The following NAALADL2 variants were observed in gnomAD, a reference collection of about 807,000 sequenced individuals.
NAALADL2 encodes the protein inactive N-acetylated-alpha-linked acidic dipeptidase-like protein 2.
NAALADL2 carries 76 observed loss-of-function variants against 87.2 expected under a neutral mutation model. The ratio of observed to expected loss-of-function variants is 0.87; its 90% CI spans 0.72 to 1.05. The LOEUF (loss-of-function observed/expected upper bound fraction) is 1.05, where lower values mean the gene tolerates loss of function less well. NAALADL2 is among the 50% of genes least tolerant of loss of function. The probability of loss-of-function intolerance (pLI) is 0.00; values close to 1 mark genes in which losing one functional copy is unlikely to be tolerated. For synonymous variants in NAALADL2, 354 were observed against 331.0 expected (o/e 1.07, Z -0.75); for missense variants, 1,089 against 945.8 (o/e 1.15, Z -1.99).
intron 2 of NAALADL2, among the ~76,000 whole-genome samples, chr3:175,119,692 T>TATAGATATAG (rs374637601): frequency 5.2e-4 from 76 of 145,324 alleles, no homozygotes; most frequent in East Asian, 8.0e-4. Flanking sequence ...AAGGTGTGTA[T>TATAGATATAG]ATATAGATAT....
chr3:175,343,445 A>G (rs1305924193), intron 5 of NAALADL2, among the ~76,000 whole-genome samples: 1 of 152,062 alleles, frequency 6.6e-6, no homozygotes, highest in Non-Finnish European at 1.5e-5. Context: ...AATACCTTAA[A>G]AAACTTTCTG....
intron 10 of NAALADL2, among the ~76,000 whole-genome samples, chr3:175,591,175 G>C (rs961739462): frequency 6.6e-6 from 1 of 152,098 alleles, no homozygotes; most frequent in South Asian, 2.1e-4. Context: ...ATAGAGTCCT[G>C]AATATAAATG....
chr3:175,465,971 A>G (rs1032444306), intron 7 of NAALADL2, among the ~76,000 whole-genome samples: 2 of 152,222 alleles, frequency 1.3e-5, no homozygotes, highest in African/African-American at 4.8e-5. Context: ...GTAACTCCTA[A>G]AACTCAGAAC....
At chr3:174,613,205 G>T (rs2108646341) in intron 2 of NAALADL2, among the ~76,000 whole-genome samples, 1 of 152,272 alleles carries the variant, frequency 6.6e-6, no homozygotes, top group Non-Finnish European at 1.5e-5. Flanking sequence ...GCTCCCATGT[G>T]GCCACCATCA....
rs773487193 is a variant in NAALADL2, at chr3:175,755,397, A to AG, written c.2170dup (p.Ala724GlyfsTer7). 6.3e-7 allele frequency: 1 copy of AG among 1,599,998 alleles called. No homozygotes were observed. Among genetic ancestry groups the AG allele is most frequent in the Non-Finnish European group, 8.5e-7 (1 of 1,172,114 alleles). On this transcript the variant is annotated frameshift_variant, in exon 13 of 14. Coordinates refer to ENST00000454872, the MANE Select transcript of NAALADL2 (RefSeq NM_207015.3). LOFTEE classifies it high-confidence loss of function. ...ATGGAGAAAAGCTTTCTGGTAAAGC[A>AG]GGCACCACCAGGTTTTTATAGGTAG... is the stretch of plus-strand genomic sequence containing the variant.
At chr3:175,327,362 A>T (rs1165479959) in intron 5 of NAALADL2, among the ~76,000 whole-genome samples, 2 of 151,940 alleles carry the variant, frequency 1.3e-5, no homozygotes, top group Non-Finnish European at 1.5e-5. Flanking sequence ...TCACCATGTT[A>T]GCCATAATAG....
intron 2 of NAALADL2, among the ~76,000 whole-genome samples, chr3:175,185,633 T>G (rs991480913): frequency 6.6e-6 from 1 of 151,684 alleles, no homozygotes; most frequent in Non-Finnish European, 1.5e-5. Context: ...AGAATAGTGG[T>G]TATCTTTGAT....
chr3:174,520,553 A>G (rs188576687), intron 1 of NAALADL2, among the ~76,000 whole-genome samples: 3 of 152,310 alleles, frequency 2.0e-5, no homozygotes, highest in Admixed American at 2.0e-4. Context: ...TTTATACAAA[A>G]ATTAAGTTGG....
chr3:174,964,035 G>A (rs1487965511), intron 1 of NAALADL2, among the ~76,000 whole-genome samples: 2 of 151,062 alleles, frequency 1.3e-5, no homozygotes, highest in African/African-American at 2.4e-5. Flanking sequence ...AATCTTTTGG[G>A]AAAAAAAACT....
At chr3:175,428,732 ACTCAT>A (rs1400306306) in intron 5 of NAALADL2, among the ~76,000 whole-genome samples, 2 of 151,766 alleles carry the variant, frequency 1.3e-5, no homozygotes, top group African/African-American at 2.4e-5. Context: ...CTGCCTCCTA[ACTCAT>A]CTCATTGCAT....
At chr3:174,927,634 G>T (rs942696316) in intron 1 of NAALADL2, among the ~76,000 whole-genome samples, 3 of 152,160 alleles carry the variant, frequency 2.0e-5, no homozygotes, top group Admixed American at 1.3e-4. Flanking sequence ...AATGAAGGCA[G>T]AAATAAAGAT....
intron 1 of NAALADL2, among the ~76,000 whole-genome samples, chr3:175,032,115 T>G (rs920255080): frequency 1.3e-5 from 2 of 152,048 alleles, no homozygotes; most frequent in Non-Finnish European, 2.9e-5. Flanking sequence ...CTCTTTAGTT[T>G]AATTAAGTCC....
intron 11 of NAALADL2, among the ~76,000 whole-genome samples, chr3:175,700,287 T>C (rs940562932): frequency 6.6e-6 from 1 of 152,102 alleles, no homozygotes; most frequent in African/African-American, 2.4e-5. Context: ...AAATTGAGGA[T>C]CAATATTGTC....
chr3:175,600,600 C>G (rs889365014), intron 10 of NAALADL2, among the ~76,000 whole-genome samples: 18 of 125,896 alleles, frequency 1.4e-4, no homozygotes, highest in African/African-American at 3.5e-4. Flanking sequence ...TCCAGTGGCG[C>G]GATCTCGGCT....
chr3:175,377,779 AT>A (rs1399873458), intron 5 of NAALADL2, among the ~76,000 whole-genome samples: 1 of 152,214 alleles, frequency 6.6e-6, no homozygotes, highest in East Asian at 1.9e-4. Context: ...ATGTCTGGAC[AT>A]TAGAAAGAAG....
chr3:175,524,536 C>T (rs1166723260), intron 9 of NAALADL2, among the ~76,000 whole-genome samples: 1 of 152,090 alleles, frequency 6.6e-6, no homozygotes, highest in Non-Finnish European at 1.5e-5. Context: ...CTAAGTAGTA[C>T]ATGATTTCTC....
chr3:175,269,726 T>C (rs1752514897), intron 4 of NAALADL2, among the ~76,000 whole-genome samples: 1 of 152,230 alleles, frequency 6.6e-6, no homozygotes, highest in Non-Finnish European at 1.5e-5. Flanking sequence ...TACATTTATT[T>C]TTCAGAGAGC....
intron 4 of NAALADL2, among the ~76,000 whole-genome samples, chr3:175,304,208 G>C (rs1334968248): frequency 6.6e-6 from 1 of 152,138 alleles, no homozygotes; most frequent in East Asian, 1.9e-4. Flanking sequence ...TATCTGTCTG[G>C]TTTCTTTCAC....
intron 10 of NAALADL2, among the ~76,000 whole-genome samples, chr3:175,598,999 A>C (rs1722601872): frequency 6.6e-6 from 1 of 152,140 alleles, no homozygotes; most frequent in African/African-American, 2.4e-5. Flanking sequence ...TTTATTCAAC[A>C]ATGTGAAGGC....
Sources: gnomAD v4.1 joint callset for allele counts (sites outside exome capture counted in the v4.1 genomes callset) on GRCh38, gnomAD v4.1.1 for gene constraint, MANE v1.5 for transcripts, NCBI Gene and HGNC (gene_info 2026-07-23, HGNC 2026-07-21) for gene names.